Variants in GSK3B observed in about 807,000 individuals in gnomAD.
The protein encoded by GSK3B is glycogen synthase kinase 3 beta, also known as glycogen synthase kinase-3 beta.
Under a neutral mutation model 56.4 loss-of-function variants are expected in GSK3B, and 15 were observed. That is an observed-to-expected ratio of 0.27 (90% confidence interval 0.18 to 0.41). The LOEUF (loss-of-function observed/expected upper bound fraction) is 0.41. GSK3B is among the 10% of genes least tolerant of loss of function. GSK3B has a pLI of 1.00. For missense variants in GSK3B, 300 were observed against 513.4 expected (o/e 0.58, Z 4.02); for synonymous variants, 181 against 188.9 (o/e 0.96, Z 0.34).
chr3:119,847,976 A>T (rs1321771225), intron 9 of GSK3B, among the ~76,000 whole-genome samples: 1 of 152,222 alleles, frequency 6.6e-6, no homozygotes, highest in Non-Finnish European at 1.5e-5. Context: ...GATTTGAGAA[A>T]CATCTGTTTA....
At chr3:119,888,894 C>T (rs2056469742) in intron 7 of GSK3B, among the ~76,000 whole-genome samples, 2 of 152,032 alleles carry the variant, frequency 1.3e-5, no homozygotes, top group Admixed American at 1.3e-4. Flanking sequence ...TGGTCTCCTG[C>T]AGTACCCTCA....
At chr3:119,870,710 C>T (rs558341414) in intron 8 of GSK3B, among the ~76,000 whole-genome samples, 6 of 152,206 alleles carry the variant, frequency 3.9e-5, no homozygotes, top group Non-Finnish European at 7.4e-5. Flanking sequence ...GTGGGTAGAA[C>T]TTTCAGTAGA....
chr3:120,029,164 A>G, intron 1 of GSK3B: 1 of 690,610 alleles, frequency 1.4e-6, no homozygotes, highest in Non-Finnish European at 2.6e-6. Context: ...GGATAGCATA[A>G]GATCACAAAA....
chr3:119,908,600 T>G (rs1352257546), intron 6 of GSK3B, among the ~76,000 whole-genome samples: 2 of 152,210 alleles, frequency 1.3e-5, no homozygotes, highest in African/African-American at 4.8e-5. Context: ...CATCTGTCCA[T>G]TCATATATGC....
chr3:120,023,865 T>C (rs575418285), intron 1 of GSK3B, among the ~76,000 whole-genome samples: 50 of 152,300 alleles, frequency 3.3e-4, no homozygotes, highest in Admixed American at 2.2e-3. Flanking sequence ...CTGAAACAAA[T>C]TGTGACCCGC....
intron 3 of GSK3B, among the ~76,000 whole-genome samples, chr3:119,932,531 A>G (rs554315695): frequency 6.6e-6 from 1 of 151,804 alleles, no homozygotes; most frequent in Non-Finnish European, 1.5e-5. Flanking sequence ...GAAAAATAAT[A>G]AATGTGCCAG....
chr3:119,980,754 T>C (rs569995669), intron 2 of GSK3B, among the ~76,000 whole-genome samples: 1 of 152,346 alleles, frequency 6.6e-6, no homozygotes, highest in African/African-American at 2.4e-5. Context: ...ATCTTGTGGC[T>C]TAGGCAGTCT....
chr3:120,075,140 A>T (rs2058358014), intron 1 of GSK3B, among the ~76,000 whole-genome samples: 1 of 152,238 alleles, frequency 6.6e-6, no homozygotes, highest in Non-Finnish European at 1.5e-5. Context: ...AAAATGACAC[A>T]ATCATATCAA....
intron 7 of GSK3B, among the ~76,000 whole-genome samples, chr3:119,905,153 G>C (rs1469308840): frequency 6.6e-6 from 1 of 151,606 alleles, no homozygotes; most frequent in Non-Finnish European, 1.5e-5. Context: ...CAGAAGCTGT[G>C]TCTGAGCAAA....
intron 2 of GSK3B, among the ~76,000 whole-genome samples, chr3:119,984,708 T>C (rs1235339495): frequency 6.6e-6 from 1 of 152,060 alleles, no homozygotes; most frequent in South Asian, 2.1e-4. Context: ...GGCTCTGAAA[T>C]TGAGGCAATG....
intron 8 of GSK3B, among the ~76,000 whole-genome samples, chr3:119,865,466 A>ATTTTT (rs779477802): frequency 8.8e-5 from 3 of 34,110 alleles, no homozygotes; most frequent in Non-Finnish European, 1.5e-4. Context: ...ATATATATAT[A>ATTTTT]TTTTTTTTTT....
chr3:119,850,083 T>C (rs2055907443), intron 9 of GSK3B, among the ~76,000 whole-genome samples: 1 of 152,090 alleles, frequency 6.6e-6, no homozygotes, highest in Non-Finnish European at 1.5e-5. Context: ...GTAAAAAGAC[T>C]GTCATTTTGG....
intron 2 of GSK3B, among the ~76,000 whole-genome samples, chr3:119,952,479 C>T (rs1262864592): frequency 8.0e-6 from 1 of 125,636 alleles, no homozygotes; most frequent in African/African-American, 3.5e-5. Flanking sequence ...CAGAGAGAGA[C>T]TCTGTCTCAA....
At position 120,040,577 on chromosome 3, in the gene GSK3B, G is replaced by C. The variant is rs553506643; in HGVS notation, c.89-38338C>G. ...GAGAAGAATAGGCAAGAAGTCTTTA[G>C]TACAAGGGATTCAGCCTAACTAGGA... On this transcript the variant is annotated intron_variant, in intron 1 of 10. Coordinates refer to ENST00000264235, the MANE Select transcript of GSK3B (RefSeq NM_001146156.2). Among the ~76,000 whole-genome samples, 7 of 152,184 alleles carry C rather than the reference G, an allele frequency of 4.6e-5. No homozygotes were observed. The East Asian group carries it at 1.4e-3, about 29-fold the overall frequency.
chr3:119,941,005 T>C (rs1435994152), intron 3 of GSK3B, among the ~76,000 whole-genome samples: 1 of 150,186 alleles, frequency 6.7e-6, no homozygotes, highest in Non-Finnish European at 1.5e-5. Context: ...ACTGCAACTA[T>C]TACTACTAAT....
chr3:119,850,905 A>G (rs1219647820), intron 9 of GSK3B, among the ~76,000 whole-genome samples: 1 of 152,156 alleles, frequency 6.6e-6, no homozygotes, highest in East Asian at 1.9e-4. Flanking sequence ...ACAGCTCTGG[A>G]GAAGTGAGAG....
At chr3:119,980,555 A>C (rs1440155658) in intron 2 of GSK3B, among the ~76,000 whole-genome samples, 1 of 152,064 alleles carries the variant, frequency 6.6e-6, no homozygotes, top group Non-Finnish European at 1.5e-5. Context: ...GGTTTCTCCA[A>C]GTTGGTCAGG....
At position 119,822,761 on chromosome 3, in the gene GSK3B, G is replaced by C. The variant is rs2055433134; in HGVS notation, c.*4027C>G. On this transcript the variant is annotated 3_prime_UTR_variant, in exon 11 of 11. Coordinates refer to ENST00000264235, the MANE Select transcript of GSK3B (RefSeq NM_001146156.2). ...AGAAAAGTGTTTGGCTCTGTGATTA[G>C]ATGATCACTAACATGAACAGTAGGA... The C allele has an allele frequency of 3.1e-5, 7 of 228,484 alleles. No individual in the cohort carries two copies. The East Asian group carries it at 4.4e-4, about 14-fold the overall frequency. The allele number at this position is 228,484 out of a possible 1,614,324, so 14.2% of individuals were successfully genotyped here. A position where few individuals can be genotyped will look rare whatever the true frequency, so the allele number is the denominator to read the frequency against.
intron 1 of GSK3B, among the ~76,000 whole-genome samples, chr3:120,017,406 A>G (rs1325983061): frequency 6.6e-6 from 1 of 152,124 alleles, no homozygotes; most frequent in African/African-American, 2.4e-5. Flanking sequence ...TTTTAAATCA[A>G]TTAGGTCTGT....
Sources: allele counts gnomAD v4.1 joint callset (sites outside exome capture counted in the v4.1 genomes callset), GRCh38; gene constraint gnomAD v4.1.1; transcripts MANE v1.5; gene names NCBI Gene and HGNC (gene_info 2026-07-23, HGNC 2026-07-21).